PRDM11: variants seen among roughly 807,000 people sequenced by gnomAD.
PRDM11 encodes the protein PR domain-containing protein 11.
A neutral mutation model predicts 97.8 loss-of-function variants in PRDM11; 20 were observed. The observed-to-expected ratio is 0.20, with a 90% confidence interval of 0.14 to 0.30. The LOEUF is 0.30. Ranked by LOEUF, PRDM11 falls within the 10% of genes least tolerant of loss-of-function variation. PRDM11 has a pLI of 1.00. For missense variants in PRDM11, 1,139 were observed against 1,555.2 expected (o/e 0.73, Z 4.50); for synonymous variants, 599 against 637.7 (o/e 0.94, Z 0.91).
intron 4 of PRDM11, among the ~76,000 whole-genome samples, 161 bp downstream of exon 4, chr11:45,183,284 G>A (rs1281822211): frequency 6.6e-6 from 1 of 152,170 alleles, no homozygotes; most frequent in East Asian, 1.9e-4. Context: ...CCGGCTGAGT[G>A]GCTGCAACGC....
intron 1 of PRDM11, among the ~76,000 whole-genome samples, chr11:45,137,176 C>CAAACAAAG (rs1852877941): frequency 6.9e-6 from 1 of 145,854 alleles, no homozygotes; most frequent in African/African-American, 2.6e-5. Flanking sequence ...AACAAACAAA[C>CAAACAAAG]AAACAAACAA....
chr11:45,130,656 C>T (rs546486315), intron 1 of PRDM11, among the ~76,000 whole-genome samples: 109 of 152,238 alleles, frequency 7.2e-4, no homozygotes, highest in African/African-American at 2.5e-3. Flanking sequence ...TTGGAAATTT[C>T]GTATTAAGTG....
At chr11:45,179,431 G>C (rs1348240543) in intron 1 of PRDM11, among the ~76,000 whole-genome samples, 1 of 152,192 alleles carries the variant, frequency 6.6e-6, no homozygotes, top group South Asian at 2.1e-4. Flanking sequence ...TGAGAACACA[G>C]AGAAGTTAGA....
upstream of PRDM11, chr11:45,095,701 C>A (rs536381443): frequency 4.5e-5 from 30 of 662,200 alleles, no homozygotes; most frequent in African/African-American, 2.4e-4. Context: ...GAAAGGCATT[C>A]TCTTTTTAAC....
chr11:45,107,564 G>A (rs1852083736), intron 1 of PRDM11, among the ~76,000 whole-genome samples: 3 of 152,106 alleles, frequency 2.0e-5, no homozygotes, highest in Non-Finnish European at 2.9e-5. Context: ...AAAGCCAAGA[G>A]GGAGGTCTGG....
At chr11:45,094,404 A>G, upstream of PRDM11, among the ~76,000 whole-genome samples, 1 of 146,990 alleles carries the variant, frequency 6.8e-6, no homozygotes, top group East Asian at 2.2e-4. Flanking sequence ...CCCCAGCTGC[A>G]TGGAGGGACC....
rs960288698 is a variant in PRDM11 at position 45,234,540 on chromosome 11, C to G, written c.*6381C>G. ...TCAAGAGAGACCAGGCCGGGCCGAGCCTTCTTCCCACTGCAGTGGACTAGA... is the reference window on the plus strand; with the variant it reads ...TCAAGAGAGACCAGGCCGGGCCGAGGCTTCTTCCCACTGCAGTGGACTAGA... On this transcript the variant is annotated 3_prime_UTR_variant, in exon 8 of 8. Coordinates refer to ENST00000683152, the MANE Select transcript of PRDM11 (RefSeq NM_001384648.1). 3 of 152,246 alleles carry G rather than the reference C, an allele frequency of 2.0e-5. No individual in the cohort carries two copies. Among genetic ancestry groups the G allele is most frequent in the Non-Finnish European group, 2.9e-5 (2 of 68,106 alleles). 9.4% of individuals were successfully genotyped at this position (152,246 alleles called of 1,614,324 possible).
At chr11:45,128,723 A>C (rs1852646340) in intron 1 of PRDM11, among the ~76,000 whole-genome samples, 1 of 152,224 alleles carries the variant, frequency 6.6e-6, no homozygotes, top group African/African-American at 2.4e-5. Flanking sequence ...ATTTCCACAA[A>C]TATTTAAGGC....
intron 1 of PRDM11, among the ~76,000 whole-genome samples, chr11:45,172,228 G>A (rs10769123): frequency 0.18 from 26,968 of 152,218 alleles, 2,994 homozygotes; most frequent in Non-Finnish European, 0.25. Context: ...CCATGTTCTC[G>A]CTGGACCCTC....
intron 1 of PRDM11, among the ~76,000 whole-genome samples, chr11:45,139,523 C>T (rs926104019): frequency 1.2e-4 from 16 of 138,146 alleles, no homozygotes; most frequent in African/African-American, 3.8e-4. Context: ...GCAGAGATTG[C>T]ACCACTGCAC....
upstream of PRDM11, among the ~76,000 whole-genome samples, chr11:45,143,110 G>T (rs1851441693): frequency 6.6e-6 from 1 of 152,190 alleles, no homozygotes; most frequent in Non-Finnish European, 1.5e-5. Context: ...CCAGTTCCTT[G>T]GGGAAGATGC....
At chr11:45,161,181 T>C (rs1851919045) in intron 1 of PRDM11, among the ~76,000 whole-genome samples, 1 of 152,124 alleles carries the variant, frequency 6.6e-6, no homozygotes, top group African/African-American at 2.4e-5. Context: ...AGCTAACACA[T>C]GTGAAGTGTT....
chr11:45,100,312 G>A lies in PRDM11; in HGVS notation c.96+4411G>A, dbSNP rs758323420. 2.0e-5 allele frequency among the ~76,000 whole-genome samples: 3 copies of A among 152,236 alleles called. No homozygotes were observed. The East Asian group carries it at 5.8e-4, about 29-fold the overall frequency. ...TCAGAACCTTGTCCTATCCATCAGAGTGATGGGGTGATCCTCACACTCACC... is the reference window on the plus strand; with the variant it reads ...TCAGAACCTTGTCCTATCCATCAGAATGATGGGGTGATCCTCACACTCACC... On this transcript the variant is annotated intron_variant, in intron 1 of 6. Coordinates refer to the PRDM11 transcript ENST00000530656.
At chr11:45,104,024 G>A (rs928783470) in intron 1 of PRDM11, among the ~76,000 whole-genome samples, 1 of 152,140 alleles carries the variant, frequency 6.6e-6, no homozygotes, top group African/African-American at 2.4e-5. Flanking sequence ...AGGGATTGAG[G>A]CTTGGTGAAA....
At chr11:45,096,087 G>A (rs770780011) in intron 1 of PRDM11, among the ~76,000 whole-genome samples, 2 of 152,286 alleles carry the variant, frequency 1.3e-5, no homozygotes, top group South Asian at 2.1e-4. Context: ...CTGTCAAGTG[G>A]AAAACTCTTT....
chr11:45,155,485 C>T (rs1851771603), intron 1 of PRDM11, among the ~76,000 whole-genome samples: 1 of 152,142 alleles, frequency 6.6e-6, no homozygotes, highest in Non-Finnish European at 1.5e-5. Flanking sequence ...TGGGGCTTGT[C>T]CCTGACCTCA....
intron 1 of PRDM11, among the ~76,000 whole-genome samples, chr11:45,159,398 G>C (rs1192797786): frequency 6.6e-6 from 1 of 152,234 alleles, no homozygotes; most frequent in Non-Finnish European, 1.5e-5. Context: ...GGCCTCACAT[G>C]TTGTGGGAGT....
At chr11:45,147,003 C>CG (rs1390947431) in intron 1 of PRDM11, 126 bp downstream of exon 1, 4 of 132,916 alleles carry the variant, frequency 3.0e-5, no homozygotes, top group Non-Finnish European at 4.9e-5. Flanking sequence ...CGGGGGCGGC[C>CG]GGGGGTCTCG....
intron 1 of PRDM11, among the ~76,000 whole-genome samples, chr11:45,173,823 A>G (rs527708662): frequency 3.9e-5 from 6 of 152,216 alleles, no homozygotes; most frequent in African/African-American, 1.4e-4. Context: ...GGGACTGGAC[A>G]GGGTTAGAGG....
Sources: gnomAD v4.1 joint callset for allele counts (sites outside exome capture counted in the v4.1 genomes callset) on GRCh38, gnomAD v4.1.1 for gene constraint, MANE v1.5 for transcripts, NCBI Gene and HGNC (gene_info 2026-07-23, HGNC 2026-07-21) for gene names.